MTCH2: variants seen among roughly 807,000 people sequenced by gnomAD.
The protein encoded by MTCH2 is mitochondrial carrier homolog 2.
Under a neutral mutation model 50.6 loss-of-function variants are expected in MTCH2, and 25 were observed. The ratio of observed to expected loss-of-function variants is 0.49; its 90% CI spans 0.36 to 0.69. The LOEUF is 0.69. MTCH2 is among the 30% of genes least tolerant of loss of function. MTCH2 has a pLI of 0.00. For missense variants in MTCH2, 273 were observed against 384.4 expected, an observed-to-expected ratio of 0.71 and a Z score of 2.42; for synonymous variants, 106 against 132.0, an observed-to-expected ratio of 0.80 and a Z score of 1.35.
chr11:47,610,752 G>C, the MTCH2 span, among the ~76,000 whole-genome samples: 1 of 152,030 alleles, frequency 6.6e-6, no homozygotes, highest in Admixed American at 6.6e-5. Context: ...TTCTAGACAT[G>C]AGGAGCCTGA....
chr11:47,633,579 C>G (rs1209812888), intron 5 of MTCH2, among the ~76,000 whole-genome samples: 2 of 127,230 alleles, frequency 1.6e-5, no homozygotes, highest in African/African-American at 6.1e-5. Context: ...TCCTGTGGCC[C>G]AGGCTAGAGT....
At chr11:47,625,326 G>A (rs992780398) in intron 11 of MTCH2, among the ~76,000 whole-genome samples, 5 of 151,206 alleles carry the variant, frequency 3.3e-5, no homozygotes, top group African/African-American at 1.2e-4. Context: ...AGGAGGCTGA[G>A]GCGGGACAAT....
chr11:47,609,856 AGAT>A, the MTCH2 span, among the ~76,000 whole-genome samples: 1 of 152,156 alleles, frequency 6.6e-6, no homozygotes, highest in Non-Finnish European at 1.5e-5. Flanking sequence ...AGCTGAGCAG[AGAT>A]GATGCCTAAA....
intron 12 of MTCH2, among the ~76,000 whole-genome samples, chr11:47,621,616 G>T (rs60307090): frequency 4.6e-5 from 7 of 152,212 alleles, no homozygotes; most frequent in Admixed American, 4.6e-4. Context: ...TTGTATTTTA[G>T]TAGAGATGGG....
downstream of MTCH2, among the ~76,000 whole-genome samples, chr11:47,612,633 G>T (rs533860181): frequency 6.6e-6 from 1 of 151,324 alleles, no homozygotes. Context: ...TGAGGTGGGA[G>T]AATCATCTGA....
At position 47,634,443 on chromosome 11, in the gene MTCH2, C is replaced by T. The variant is rs186691904; in HGVS notation, c.369+229G>A. Among the ~76,000 whole-genome samples, 101 of 152,248 alleles carry T rather than the reference C, an allele frequency of 6.6e-4. 1 individual carries two copies. Among genetic ancestry groups the T allele is most frequent in the Admixed American group, 3.7e-3 (57 of 15,284 alleles). On this transcript the variant is annotated intron_variant, in intron 5 of 12. Coordinates refer to ENST00000302503, the MANE Select transcript of MTCH2 (RefSeq NM_014342.4). ...TAGAAGACTTTCAGTATTCTAAAGA[C>T]GGAATGTGTGGGCAAAATGAGTTTT...
At chr11:47,610,955 C>T in the MTCH2 span, among the ~76,000 whole-genome samples, 5 of 152,180 alleles carry the variant, frequency 3.3e-5, no homozygotes, top group African/African-American at 1.2e-4. Context: ...TGCTTGGTTC[C>T]GGCTTCTCAT....
intron 11 of MTCH2, among the ~76,000 whole-genome samples, chr11:47,623,611 T>A (rs1344352567): frequency 1.3e-5 from 2 of 152,126 alleles, no homozygotes; most frequent in Non-Finnish European, 2.9e-5. Flanking sequence ...CATCACAGCT[T>A]GCCAGGAGTA....
At position 47,631,647 on chromosome 11, in the gene MTCH2, A is replaced by G. The variant is rs2097303133; in HGVS notation, c.427+7T>C. The G allele has an allele frequency of 6.2e-7, 1 of 1,613,844 alleles. No homozygotes were observed. Among genetic ancestry groups the G allele is most frequent in the Non-Finnish European group, 8.5e-7 (1 of 1,179,914 alleles). On this transcript the variant is annotated splice_region_variant and intron_variant, in intron 6 of 12. Coordinates refer to ENST00000302503, the MANE Select transcript of MTCH2 (RefSeq NM_014342.4). ...AAAGAAAGGTCAGTTGTCAACTGCA[A>G]ACATACCATGGAAGGGATGTGTGAT...
chr11:47,625,785 T>A (rs1473040624), intron 10 of MTCH2, 44 bp from the exon 11 acceptor site: 1 of 1,502,134 alleles, frequency 6.7e-7, no homozygotes, highest in Non-Finnish European at 9.2e-7. Flanking sequence ...TCATTCCTAG[T>A]CTTTATTCTC....
At chr11:47,610,470 C>T in the MTCH2 span, among the ~76,000 whole-genome samples, 3 of 152,002 alleles carry the variant, frequency 2.0e-5, no homozygotes, top group Non-Finnish European at 4.4e-5. Flanking sequence ...TTTGGGAGGC[C>T]GAGGAGGGTG....
At chr11:47,619,806 G>A (rs2097291555) in intron 12 of MTCH2, among the ~76,000 whole-genome samples, 1 of 152,082 alleles carries the variant, frequency 6.6e-6, no homozygotes. Flanking sequence ...GGCAGACATG[G>A]TGGCTCACGC....
At chr11:47,611,747 G>A in the MTCH2 span, among the ~76,000 whole-genome samples, 288 of 152,260 alleles carry the variant, frequency 1.9e-3, 1 homozygote, top group Middle Eastern at 0.014. Flanking sequence ...ACCTCTAACC[G>A]TATTGTGGTA....
At chr11:47,636,828 G>GCC (rs1471854816) in intron 3 of MTCH2, among the ~76,000 whole-genome samples, 13 of 152,078 alleles carry the variant, frequency 8.5e-5, no homozygotes, top group African/African-American at 3.1e-4. Flanking sequence ...GAAGAGGGAG[G>GCC]ACTGCTTGAG....
chr11:47,636,814 G>A (rs1199957466), intron 3 of MTCH2, among the ~76,000 whole-genome samples: 1 of 152,092 alleles, frequency 6.6e-6, no homozygotes, highest in Non-Finnish European at 1.5e-5. Context: ...CACTTTGGAA[G>A]GCCGAAGAGG....
chr11:47,619,604 A>G (rs2097291342), intron 12 of MTCH2, among the ~76,000 whole-genome samples: 3 of 152,258 alleles, frequency 2.0e-5, no homozygotes, highest in East Asian at 1.9e-4. Context: ...TCAAAGTAAT[A>G]ACAACCTGGA....
At position 47,618,172 on chromosome 11, in the gene MTCH2, T is replaced by A. The variant is rs566608071; in HGVS notation, c.*661A>T. On this transcript the variant is annotated 3_prime_UTR_variant, in exon 13 of 13. Coordinates refer to ENST00000302503, the MANE Select transcript of MTCH2 (RefSeq NM_014342.4). ...TGTTGCTGACCCTTTATCTTATTTA[T>A]TTTTTTTCAGGTAGCCTCTTGAACT... 5.3e-5 allele frequency: 8 copies of A among 152,204 alleles called. No individual in the cohort carries two copies. The South Asian group carries it at 1.0e-3, about 20-fold the overall frequency. The allele number at this position is 152,204 out of a possible 1,614,324, so 9.4% of individuals were successfully genotyped here.
chr11:47,609,384 G>C, the MTCH2 span, among the ~76,000 whole-genome samples: 19 of 150,332 alleles, frequency 1.3e-4, no homozygotes, highest in African/African-American at 4.4e-4. Context: ...CTTGAACCTG[G>C]GAGGTGGAGG....
chr11:47,613,028 A>G (rs1188068382), downstream of MTCH2, among the ~76,000 whole-genome samples: 8 of 151,592 alleles, frequency 5.3e-5, no homozygotes. Context: ...CAGCCTCCCA[A>G]GTAGCTGGGA....
Sources: allele counts gnomAD v4.1 joint callset (sites outside exome capture counted in the v4.1 genomes callset), GRCh38; gene constraint gnomAD v4.1.1; transcripts MANE v1.5; gene names NCBI Gene and HGNC (gene_info 2026-07-23, HGNC 2026-07-21).